The following PCDHGB1 variants were observed in gnomAD, a reference collection of about 807,000 sequenced individuals.
The protein encoded by PCDHGB1 is protocadherin gamma-B1.
PCDHGB1 carries 34 observed loss-of-function variants against 56.6 expected under a neutral mutation model. The observed-to-expected ratio is 0.60, with a 90% CI of 0.46 to 0.80. The LOEUF is 0.80. Ranked by LOEUF, PCDHGB1 falls within the 30% of genes least tolerant of loss-of-function variation. The pLI is 0.00. For synonymous variants in PCDHGB1, 561 were observed against 505.9 expected (o/e 1.11, Z -1.46); for missense variants, 1,278 against 1,204.6 (o/e 1.06, Z -0.90).
intron 2 of PCDHGB1, among the ~76,000 whole-genome samples, chr5:141,496,474 T>A (rs2099769027): frequency 6.6e-6 from 1 of 152,140 alleles, no homozygotes; most frequent in African/African-American, 2.4e-5. Context: ...CTTTCCCCCA[T>A]CCTGCAACCA....
intron 1 of PCDHGB1, among the ~76,000 whole-genome samples, chr5:141,380,852 C>T (rs1429709070): frequency 1.3e-5 from 2 of 152,300 alleles, no homozygotes; most frequent in African/African-American, 4.8e-5. Flanking sequence ...TGGATCAAGA[C>T]ATTGAGAGCT....
chr5:141,379,967 T>C (rs1362425240), intron 1 of PCDHGB1, among the ~76,000 whole-genome samples: 1 of 142,578 alleles, frequency 7.0e-6, no homozygotes, highest in Non-Finnish European at 1.5e-5. Context: ...TGGTGTGATC[T>C]CTGCTCACTG....
intron 1 of PCDHGB1, chr5:141,441,206 C>T (rs750648706): frequency 3.3e-5 from 5 of 152,150 alleles, no homozygotes; most frequent in African/African-American, 4.8e-5. Context: ...GATTCTGCAC[C>T]TTGGACAGTA....
chr5:141,389,389 A>G, intron 1 of PCDHGB1: 1 of 1,613,668 alleles, frequency 6.2e-7, no homozygotes, highest in Non-Finnish European at 8.5e-7. Context: ...CTGTCATCCT[A>G]CGTGTCCATA....
At chr5:141,475,829 G>A (rs1408248560) in intron 1 of PCDHGB1, 5 of 386,748 alleles carry the variant, frequency 1.3e-5, no homozygotes, top group Non-Finnish European at 2.3e-5. Flanking sequence ...GCGCTAGCGC[G>A]TGTCCTGCTC....
At chr5:141,392,930 G>A (rs568235859) in intron 1 of PCDHGB1, 2 of 1,613,790 alleles carry the variant, frequency 1.2e-6, no homozygotes, top group Non-Finnish European at 1.7e-6. Flanking sequence ...CAGAAGAGAC[G>A]GACAAAGGCT....
intron 2 of PCDHGB1, among the ~76,000 whole-genome samples, chr5:141,503,292 A>G (rs7710319): frequency 6.6e-6 from 1 of 151,928 alleles, no homozygotes; most frequent in African/African-American, 2.4e-5. Flanking sequence ...TGGTACATAG[A>G]AATTGCTCAA....
At chr5:141,454,181 G>A (rs1290295830) in intron 1 of PCDHGB1, among the ~76,000 whole-genome samples, 1 of 152,200 alleles carries the variant, frequency 6.6e-6, no homozygotes, top group Non-Finnish European at 1.5e-5. Context: ...GCAGCTAAAG[G>A]AGCTTAGTGA....
At chr5:141,421,717 G>T in intron 1 of PCDHGB1, 2 of 1,613,932 alleles carry the variant, frequency 1.2e-6, no homozygotes, top group East Asian at 4.5e-5. Context: ...TCCAGATGTG[G>T]GCGTGAACTC....
intron 1 of PCDHGB1, chr5:141,391,737 T>C (rs1050956818): frequency 6.6e-6 from 1 of 152,224 alleles, no homozygotes; most frequent in Non-Finnish European, 1.5e-5. Context: ...TTTGTAGTCA[T>C]ACTTATCCTT....
At chr5:141,426,814 T>C (rs2096962370) in intron 1 of PCDHGB1, 1 of 456,592 alleles carries the variant, frequency 2.2e-6, no homozygotes, top group Admixed American at 2.3e-5. Flanking sequence ...AATGAACATT[T>C]CTCTCTGATG....
chr5:141,374,968 T>C, intron 1 of PCDHGB1: 2 of 1,614,056 alleles, frequency 1.2e-6, no homozygotes, highest in Non-Finnish European at 8.5e-7. Flanking sequence ...TCTGTTTGAA[T>C]GTTTTGACTG....
chr5:141,400,776 G>A (rs1461818790), intron 1 of PCDHGB1: 9 of 557,602 alleles, frequency 1.6e-5, no homozygotes, highest in Middle Eastern at 4.6e-4. Context: ...CATTTGGTGC[G>A]TTTTTTTGTC....
chr5:141,410,317 C>T lies in PCDHGB1; in HGVS notation c.2409+57648C>T, dbSNP rs527641698. ...CCTTAATCTCAGTGCTCTTCCTCCT[C>T]GCCGTGATTCTGGCCATTGCCTTGC... On this transcript the variant is annotated intron_variant, in intron 1 of 3. Coordinates refer to ENST00000523390, the MANE Select transcript of PCDHGB1 (RefSeq NM_018922.3). The T allele has an allele frequency of 2.7e-5, 43 of 1,614,010 alleles. No individual in the cohort carries two copies. In the East Asian group the frequency reaches 8.0e-4, roughly 30 times the overall value.
rs374896827 is a variant in PCDHGB1 at position 141,366,348 on chromosome 5, C to A, written c.2409+13679C>A. 54 of 1,613,830 alleles carry A rather than the reference C, an allele frequency of 3.3e-5. No individual in the cohort carries two copies. In the African/African-American group the frequency reaches 6.7e-4, roughly 20 times the overall value. On this transcript the variant is annotated intron_variant, in intron 1 of 3. Transcript: ENST00000523390. ...GCCGACAGGATCCCTGACATCCTGG[C>A]TGACCTAGGCAGTATCAAGACCCCC...
intron 1 of PCDHGB1, chr5:141,433,358 C>CCCAT (rs1554125967): frequency 7.1e-5 from 36 of 503,934 alleles, no homozygotes; most frequent in African/African-American, 1.2e-4. Flanking sequence ...CTACTGTCTG[C>CCCAT]CTATCTATCT....
intron 1 of PCDHGB1, chr5:141,371,020 A>T: frequency 6.2e-7 from 1 of 1,613,970 alleles, no homozygotes; most frequent in Non-Finnish European, 8.5e-7. Context: ...CCACATCACC[A>T]CCTGGTCCTC....
At position 141,351,158 on chromosome 5, in the gene PCDHGB1, A is replaced by G; in HGVS notation, c.898A>G (p.Asn300Asp). Reference sequence around the variant, plus strand: ...TCCAAATACTGGCGACATCACAACCAATGGCACATTGGATTTTGAAGAGAC... The same window carrying G: ...TCCAAATACTGGCGACATCACAACCGATGGCACATTGGATTTTGAAGAGAC... ...LNPNTGDITT[N>D]GTLDFEETSR... The change falls in exon 1 of 4, where the codon AAT becomes GAT. Residue 300 changes from asparagine (N) to aspartate (D), a missense_variant. Physicochemically the swap from Asn to Asp is conservative, Grantham distance 23. Transcript: ENST00000523390. The G allele has an allele frequency of 6.2e-7, 1 of 1,614,062 alleles. No individual in the cohort carries two copies. The highest frequency in any genetic ancestry group is 1.1e-5 in the South Asian group (1 of 91,080).
intron 1 of PCDHGB1, chr5:141,428,630 C>T: frequency 5.4e-6 from 1 of 185,692 alleles, no homozygotes; most frequent in Non-Finnish European, 1.1e-5. Context: ...AGCTCTAACT[C>T]TGTTGCTCCT....
Sources: allele counts gnomAD v4.1 joint callset (sites outside exome capture counted in the v4.1 genomes callset), GRCh38; gene constraint gnomAD v4.1.1; transcripts MANE v1.5; gene names NCBI Gene and HGNC (gene_info 2026-07-23, HGNC 2026-07-21).